DLG2: variants seen among roughly 807,000 people sequenced by gnomAD.
The protein encoded by DLG2 is discs large MAGUK scaffold protein 2.
In DLG2, 45 loss-of-function variants were observed where a neutral mutation model predicts 132.5. The ratio of observed to expected loss-of-function variants is 0.34; its 90% CI spans 0.27 to 0.44. The LOEUF is 0.44. Ranked by LOEUF, DLG2 falls within the 20% of genes least tolerant of loss-of-function variation. The pLI, the probability that DLG2 is intolerant of heterozygous loss-of-function variation, is 1.00. For missense variants in DLG2, 1,045 were observed against 1,196.9 expected (o/e 0.87, Z 1.87); for synonymous variants, 424 against 419.6 (o/e 1.01, Z -0.13).
chr11:85,623,382 G>A (rs2081859737), intron 2 of DLG2, among the ~76,000 whole-genome samples: 1 of 151,626 alleles, frequency 6.6e-6, no homozygotes, highest in African/African-American at 2.4e-5. Flanking sequence ...TTACCTCACT[G>A]CAACCTCCAC....
chr11:84,677,655 G>A (rs188104844), intron 6 of DLG2, among the ~76,000 whole-genome samples: 12 of 152,088 alleles, frequency 7.9e-5, no homozygotes, highest in East Asian at 1.9e-4. Context: ...AGGTTGAGCT[G>A]GGAAGATCAC....
chr11:84,234,684 G>C (rs932254063), intron 8 of DLG2, among the ~76,000 whole-genome samples: 2 of 152,088 alleles, frequency 1.3e-5, no homozygotes, highest in African/African-American at 4.8e-5. Context: ...TCCTCCTCCC[G>C]TTGGAATTCA....
chr11:84,391,795 TAAAA>T (rs200512404), intron 7 of DLG2, among the ~76,000 whole-genome samples: 1 of 140,916 alleles, frequency 7.1e-6, no homozygotes, highest in Non-Finnish European at 1.6e-5. Flanking sequence ...CTGTTAATGT[TAAAA>T]AAAAAAAAAA....
intron 3 of DLG2, among the ~76,000 whole-genome samples, chr11:85,541,364 G>GA (rs987980491): frequency 2.6e-5 from 4 of 151,028 alleles, no homozygotes; most frequent in Non-Finnish European, 3.0e-5. Context: ...CATACAGCTG[G>GA]AAAAAAAATT....
rs1043117731 is a variant in DLG2 at position 85,394,839 on chromosome 11, T to C, written c.41-109474A>G. 2.0e-5 allele frequency among the ~76,000 whole-genome samples: 3 copies of C among 152,336 alleles called. No individual in the cohort carries two copies. In the East Asian group the frequency reaches 5.8e-4, roughly 29 times the overall value. On this transcript the variant is annotated intron_variant, in intron 3 of 27. Transcript: ENST00000376104. Reference sequence around the variant, plus strand: ...CTCCTAATTCCTACTTCATTTACTGTTCTTAGTGTAAGAACATGTGAACCT... The same window carrying C: ...CTCCTAATTCCTACTTCATTTACTGCTCTTAGTGTAAGAACATGTGAACCT...
chr11:85,386,122 A>G (rs111593037), intron 3 of DLG2, among the ~76,000 whole-genome samples: 11 of 152,330 alleles, frequency 7.2e-5, no homozygotes, highest in African/African-American at 2.6e-4. Flanking sequence ...TCTTGGAGGA[A>G]ATATGAAATT....
At chr11:83,865,074 G>C (rs1027459687) in intron 16 of DLG2, among the ~76,000 whole-genome samples, 1 of 152,120 alleles carries the variant, frequency 6.6e-6, no homozygotes, top group African/African-American at 2.4e-5. Context: ...TCATGTGATG[G>C]ATGAGCCACC....
intron 7 of DLG2, among the ~76,000 whole-genome samples, chr11:84,402,807 G>A (rs1022935493): frequency 3.4e-5 from 5 of 147,290 alleles, no homozygotes; most frequent in Admixed American, 6.7e-5. Context: ...GCGTGAAGCC[G>A]GGAGGCGGAG....
intron 4 of DLG2, among the ~76,000 whole-genome samples, chr11:85,259,509 G>T (rs767017884): frequency 6.6e-5 from 10 of 151,958 alleles, no homozygotes; most frequent in Non-Finnish European, 1.0e-4. Context: ...GTCAGCCATG[G>T]ACAATCCAGC....
chr11:84,843,428 G>T (rs1481840205), intron 6 of DLG2, among the ~76,000 whole-genome samples: 5 of 151,474 alleles, frequency 3.3e-5, no homozygotes, highest in Non-Finnish European at 7.4e-5. Context: ...GAATATTACT[G>T]GAATATGATA....
intron 16 of DLG2, among the ~76,000 whole-genome samples, chr11:83,837,723 CAAAAAAA>C (rs386374350): frequency 3.9e-4 from 18 of 45,950 alleles, no homozygotes; most frequent in Admixed American, 1.1e-3. Flanking sequence ...ACATAGCAAG[CAAAAAAA>C]AAAAAAAAAA....
intron 11 of DLG2, among the ~76,000 whole-genome samples, chr11:84,047,456 A>G (rs1220493205): frequency 6.6e-6 from 1 of 151,572 alleles, no homozygotes; most frequent in Non-Finnish European, 1.5e-5. Context: ...CTGGCCATAA[A>G]TTTAAAAAAT....
At chr11:85,170,484 A>T (rs559721065) in intron 4 of DLG2, among the ~76,000 whole-genome samples, 1 of 152,236 alleles carries the variant, frequency 6.6e-6, no homozygotes, top group Admixed American at 6.5e-5. Context: ...GGCAGGAAAA[A>T]TAGTGGGGAA....
intron 21 of DLG2, among the ~76,000 whole-genome samples, chr11:83,530,410 CTTT>C (rs926128009): frequency 1.3e-5 from 2 of 148,758 alleles, no homozygotes; most frequent in Non-Finnish European, 3.0e-5. Flanking sequence ...GAAATTATAG[CTTT>C]TTTTTTTCTT....
intron 6 of DLG2, among the ~76,000 whole-genome samples, chr11:84,741,242 A>ATTTTT (rs1156551309): frequency 1.3e-5 from 2 of 151,166 alleles, no homozygotes; most frequent in African/African-American, 4.9e-5. Context: ...AATTTTTTGT[A>ATTTTT]TTTTTAGTAG....
At chr11:85,118,562 G>T (rs1010203460) in intron 5 of DLG2, among the ~76,000 whole-genome samples, 2 of 152,020 alleles carry the variant, frequency 1.3e-5, no homozygotes, top group African/African-American at 4.8e-5. Flanking sequence ...ATATTTCAGG[G>T]TATCAATGGG....
At chr11:85,470,845 C>T (rs1444521086) in intron 3 of DLG2, among the ~76,000 whole-genome samples, 1 of 152,192 alleles carries the variant, frequency 6.6e-6, no homozygotes, top group African/African-American at 2.4e-5. Flanking sequence ...ACAGAATAGA[C>T]AGTGAGAGGA....
chr11:84,782,380 C>G (rs2071964400), intron 6 of DLG2, among the ~76,000 whole-genome samples: 1 of 151,938 alleles, frequency 6.6e-6, no homozygotes, highest in East Asian at 1.9e-4. Flanking sequence ...TTCTTTCCCA[C>G]TGGCTTCCTA....
At chr11:84,603,927 G>A (rs781721929) in intron 6 of DLG2, among the ~76,000 whole-genome samples, 2 of 151,746 alleles carry the variant, frequency 1.3e-5, no homozygotes, top group Non-Finnish European at 2.9e-5. Context: ...TTTTTGACAT[G>A]GAAAAATGGC....
Sources: gnomAD v4.1 joint callset for allele counts (sites outside exome capture counted in the v4.1 genomes callset) on GRCh38, gnomAD v4.1.1 for gene constraint, MANE v1.5 for transcripts, NCBI Gene and HGNC (gene_info 2026-07-23, HGNC 2026-07-21) for gene names.